CALN1: variants seen among roughly 807,000 people sequenced by gnomAD.
CALN1 encodes calneuron 1, also known as calcium-binding protein 8.
A neutral mutation model predicts 30.6 loss-of-function variants in CALN1; 17 were observed. The ratio of observed to expected loss-of-function variants is 0.56; its 90% confidence interval spans 0.38 to 0.83. CALN1 has a LOEUF of 0.83. Among genes scored for constraint, CALN1 ranks in the 40% least tolerant of loss-of-function variants. The pLI, the probability that CALN1 is intolerant of heterozygous loss-of-function variation, is 0.00. For missense variants in CALN1, 291 were observed against 354.9 expected, an observed-to-expected ratio of 0.82 and a Z score of 1.45; for synonymous variants, 156 against 131.4, an observed-to-expected ratio of 1.19 and a Z score of -1.28.
chr7:72,402,598 G>C (rs964411173), intron 2 of CALN1, among the ~76,000 whole-genome samples: 8 of 152,190 alleles, frequency 5.3e-5, no homozygotes, highest in East Asian at 1.9e-4. Context: ...AATTCCTCTT[G>C]AGTTTGTATA....
intron 4 of CALN1, among the ~76,000 whole-genome samples, chr7:72,036,129 G>T (rs764717167): frequency 6.6e-6 from 1 of 152,172 alleles, no homozygotes; most frequent in African/African-American, 2.4e-5. Context: ...ATTCTTGATT[G>T]ACAGGTATTT....
At chr7:72,329,948 C>A (rs186502689) in intron 2 of CALN1, among the ~76,000 whole-genome samples, 1 of 149,748 alleles carries the variant, frequency 6.7e-6, no homozygotes, top group Non-Finnish European at 1.5e-5. Flanking sequence ...AGCAAGACTC[C>A]GTCTCAAAAA....
chr7:72,383,518 T>A (rs2129560979), intron 2 of CALN1, among the ~76,000 whole-genome samples: 1 of 152,278 alleles, frequency 6.6e-6, no homozygotes, highest in East Asian at 1.9e-4. Flanking sequence ...CATTTTTTCA[T>A]GTTTGTTGGC....
chr7:72,314,093 G>A (rs1455015259), intron 2 of CALN1, among the ~76,000 whole-genome samples: 1 of 152,076 alleles, frequency 6.6e-6, no homozygotes, highest in Non-Finnish European at 1.5e-5. Flanking sequence ...GGACACACCA[G>A]GCCCAGCACA....
At chr7:72,330,484 A>AG (rs1801594917) in intron 2 of CALN1, among the ~76,000 whole-genome samples, 3 of 151,392 alleles carry the variant, frequency 2.0e-5, no homozygotes, top group South Asian at 4.2e-4. Context: ...AAAAAAAAAA[A>AG]AAGAGAGAGA....
intron 5 of CALN1, among the ~76,000 whole-genome samples, chr7:71,872,094 T>C (rs1791969586): frequency 2.0e-5 from 3 of 152,230 alleles, no homozygotes; most frequent in African/African-American, 7.2e-5. Context: ...CATATGTAGC[T>C]CAGGGCTACT....
At chr7:72,463,987 G>C in the CALN1 span, among the ~76,000 whole-genome samples, 4 of 111,348 alleles carry the variant, frequency 3.6e-5, no homozygotes, top group East Asian at 8.1e-4. Flanking sequence ...AAGGGAAGGA[G>C]GGAGGGAGGG....
chr7:71,876,539 G>A (rs1792253699), intron 5 of CALN1, among the ~76,000 whole-genome samples: 1 of 152,110 alleles, frequency 6.6e-6, no homozygotes, highest in Non-Finnish European at 1.5e-5. Flanking sequence ...ACTAGGACAA[G>A]TCTTTTTATA....
In CALN1 at chr7:72,195,740, TAGCTTCTAAATAA is replaced by T. The variant is rs534223101; in HGVS notation, c.244+82933_244+82945del. 4.5e-3 allele frequency among the ~76,000 whole-genome samples: 692 copies of T among 152,310 alleles called. 5 individuals are homozygous for T. The highest frequency in any genetic ancestry group is 0.016 in the African/African-American group (649 of 41,562). On this transcript the variant is annotated intron_variant, in intron 3 of 6. Transcript: ENST00000395275. ...GGCTAACACAGCACTTAACATTTTC[TAGCTTCTAAATAA>T]ATGTTTGGTGAAGGAATTAATCAGT...
At chr7:72,470,947 CTTTGTTTG>C in the CALN1 span, among the ~76,000 whole-genome samples, 2 of 152,100 alleles carry the variant, frequency 1.3e-5, no homozygotes, top group South Asian at 4.2e-4. Flanking sequence ...TAATGAGATC[CTTTGTTTG>C]TTTGTTTGTT....
chr7:72,297,288 T>C (rs1035760740), intron 2 of CALN1, among the ~76,000 whole-genome samples: 6 of 151,550 alleles, frequency 4.0e-5, no homozygotes, highest in African/African-American at 1.5e-4. Context: ...AGTTAAAAAA[T>C]AACAACAAAA....
rs192576638 is a variant in CALN1 at position 72,135,933 on chromosome 7, G to C, written c.245-29639C>G. ...GGATCACCTTATGTCAGGAGTTCAA[G>C]ACCAGCCTGGTCAACATAGTAAAAC... On this transcript the variant is annotated intron_variant, in intron 3 of 6. Transcript: ENST00000395275. Among the ~76,000 whole-genome samples, 284 of 152,090 alleles carry C rather than the reference G, an allele frequency of 1.9e-3. 3 individuals carry two copies. The highest frequency in any genetic ancestry group is 6.3e-3 in the African/African-American group (261 of 41,476).
chr7:72,147,482 A>ATGTGGAGAAATAGGAATG (rs1786848747), intron 3 of CALN1, among the ~76,000 whole-genome samples: 1 of 134,110 alleles, frequency 7.5e-6, no homozygotes, highest in Admixed American at 7.2e-5. Flanking sequence ...GTTGGAGAGG[A>ATGTGGAGAAATAGGAATG]CTGTTACACT....
intron 3 of CALN1, among the ~76,000 whole-genome samples, chr7:72,222,112 G>C (rs768452790): frequency 3.3e-5 from 5 of 152,052 alleles, no homozygotes; most frequent in Non-Finnish European, 7.4e-5. Context: ...TGTAGTCCCA[G>C]CTACTTGGGA....
intron 5 of CALN1, among the ~76,000 whole-genome samples, chr7:71,993,978 C>T (rs1269643612): frequency 6.6e-6 from 1 of 152,034 alleles, no homozygotes; most frequent in Non-Finnish European, 1.5e-5. Flanking sequence ...AATGTTGTGA[C>T]CCCAAACTCT....
chr7:71,979,279 CTTCTA>C (rs939067763), intron 5 of CALN1, among the ~76,000 whole-genome samples: 1 of 152,166 alleles, frequency 6.6e-6, no homozygotes, highest in Non-Finnish European at 1.5e-5. Flanking sequence ...GTGCACTTTA[CTTCTA>C]TTATTATTAG....
chr7:71,965,805 C>T (rs766993109), intron 5 of CALN1, among the ~76,000 whole-genome samples: 2 of 152,072 alleles, frequency 1.3e-5, no homozygotes, highest in Middle Eastern at 3.2e-3. Flanking sequence ...TAAAAAGATG[C>T]CCCAGTATCA....
intron 1 of CALN1, among the ~76,000 whole-genome samples, chr7:72,428,015 G>A (rs1385220408): frequency 7.2e-5 from 11 of 152,036 alleles, no homozygotes; most frequent in East Asian, 1.9e-4. Flanking sequence ...GCCCCACCAC[G>A]CAAATGCAGC....
At chr7:72,311,519 G>A (rs1800047060) in intron 2 of CALN1, among the ~76,000 whole-genome samples, 1 of 151,810 alleles carries the variant, frequency 6.6e-6, no homozygotes, top group African/African-American at 2.4e-5. Flanking sequence ...TCACTCTGTT[G>A]CCCAGGCTAG....
Sources: allele counts gnomAD v4.1 joint callset (sites outside exome capture counted in the v4.1 genomes callset), GRCh38; gene constraint gnomAD v4.1.1; transcripts MANE v1.5; gene names NCBI Gene and HGNC (gene_info 2026-07-23, HGNC 2026-07-21).